Variants in ARMC8 observed in about 807,000 individuals in gnomAD.
ARMC8 encodes armadillo repeat-containing protein 8.
In ARMC8, 20 loss-of-function variants were observed where a neutral mutation model predicts 99.3. The ratio of observed to expected loss-of-function variants is 0.20; its 90% confidence interval spans 0.14 to 0.29. ARMC8 has a LOEUF of 0.29. Ranked by LOEUF, ARMC8 falls within the 10% of genes least tolerant of loss-of-function variation. ARMC8 has a pLI of 1.00. For synonymous variants in ARMC8, 263 were observed against 278.3 expected (o/e 0.95, Z 0.55); for missense variants, 569 against 809.5 (o/e 0.70, Z 3.60).
intron 1 of ARMC8, among the ~76,000 whole-genome samples, chr3:138,195,202 C>CG (rs2043647843): frequency 6.6e-6 from 1 of 150,598 alleles, no homozygotes; most frequent in Admixed American, 6.6e-5. Context: ...GGCGTGAACC[C>CG]GGGAAGTGGA....
At chr3:138,253,534 T>G (rs901880481) in intron 12 of ARMC8, among the ~76,000 whole-genome samples, 2 of 152,212 alleles carry the variant, frequency 1.3e-5, no homozygotes, top group Non-Finnish European at 2.9e-5. Flanking sequence ...GCAAGAAATT[T>G]TACTGAAGAG....
At chr3:138,216,879 A>G (rs1323232126) in intron 2 of ARMC8, among the ~76,000 whole-genome samples, 2 of 152,228 alleles carry the variant, frequency 1.3e-5, no homozygotes, top group African/African-American at 4.8e-5. Context: ...TTCAAAATAA[A>G]TAGATATATA....
chr3:138,270,089 G>A lies in ARMC8; in HGVS notation c.1436G>A (p.Ser479Asn), dbSNP rs2048650156. ...GAGCTACTTTGTGGATTAACTCAGA[G>A]TGAAAATCCTGCTTTACGAGTGAAT... Reference protein sequence around the residue: ...AVELLCGLTQSENPALRVNGI... With the variant: ...AVELLCGLTQNENPALRVNGI... The change falls in exon 16 of 22, where the codon AGT becomes AAT. Residue 479 changes from serine (S) to asparagine (N), a missense_variant. Transcript: ENST00000469044. 2 of 1,613,576 alleles carry A rather than the reference G, an allele frequency of 1.2e-6. No homozygotes were observed. The highest frequency in any genetic ancestry group is 1.7e-6 in the Non-Finnish European group (2 of 1,179,738).
intron 12 of ARMC8, among the ~76,000 whole-genome samples, chr3:138,257,832 C>T (rs1457733540): frequency 1.3e-5 from 2 of 152,082 alleles, no homozygotes; most frequent in Admixed American, 1.3e-4. Flanking sequence ...GTCCTTTTTC[C>T]TTGCCAGACC....
rs144504602 is a variant in ARMC8, at chr3:138,207,794, C to G, written c.46-2023C>G. Among the ~76,000 whole-genome samples the G allele has an allele frequency of 7.2e-5, 11 of 152,170 alleles. No individual in the cohort carries two copies. The East Asian group carries it at 2.1e-3, about 29-fold the overall frequency. On this transcript the variant is annotated intron_variant, in intron 1 of 21. Coordinates refer to ENST00000469044, the MANE Select transcript of ARMC8 (RefSeq NM_001363941.2). Reference sequence around the variant, plus strand: ...ATCATGAGAAGCCCCATTTGTAAACCGAGGGATTGAGCAGATTATTGTTGA... The same window carrying G: ...ATCATGAGAAGCCCCATTTGTAAACGGAGGGATTGAGCAGATTATTGTTGA...
intron 21 of ARMC8, 121 bp from the exon 22 acceptor site, chr3:138,295,738 C>A: frequency 8.9e-7 from 1 of 1,124,582 alleles, no homozygotes; most frequent in Non-Finnish European, 1.3e-6. Flanking sequence ...CCTGGGCTCA[C>A]CCCAATTCCC....
chr3:138,188,158 T>G (rs2107926288), intron 1 of ARMC8: 1 of 260,218 alleles, frequency 3.8e-6, no homozygotes. Context: ...GTGATTCGTA[T>G]CAGCTGCAAC....
chr3:138,205,966 C>A (rs1388385847), intron 1 of ARMC8, among the ~76,000 whole-genome samples: 2 of 152,162 alleles, frequency 1.3e-5, no homozygotes, highest in Non-Finnish European at 2.9e-5. Context: ...TTTCTAGCAG[C>A]CATGCTGTCT....
intron 12 of ARMC8, among the ~76,000 whole-genome samples, chr3:138,249,086 CACTT>C (rs1388971442): frequency 2.6e-5 from 4 of 152,218 alleles, no homozygotes; most frequent in African/African-American, 9.6e-5. Context: ...GCATAGTTGA[CACTT>C]AATAAATAAT....
intron 18 of ARMC8, among the ~76,000 whole-genome samples, chr3:138,277,638 AT>A (rs1203201776): frequency 5.3e-5 from 8 of 152,210 alleles, no homozygotes; most frequent in Non-Finnish European, 8.8e-5. Context: ...ATAGCTAAAA[AT>A]TTTTTTAAAA....
intron 1 of ARMC8, among the ~76,000 whole-genome samples, chr3:138,198,345 T>G (rs1413814557): frequency 6.6e-6 from 1 of 152,068 alleles, no homozygotes; most frequent in Non-Finnish European, 1.5e-5. Flanking sequence ...GCAGATAATC[T>G]TTAGTTCATT....
At chr3:138,196,503 A>C (rs2043745006) in intron 1 of ARMC8, among the ~76,000 whole-genome samples, 1 of 152,108 alleles carries the variant, frequency 6.6e-6, no homozygotes, top group African/African-American at 2.4e-5. Flanking sequence ...ATTTCTAGAG[A>C]TTGCTGGATT....
intron 1 of ARMC8, among the ~76,000 whole-genome samples, chr3:138,204,547 T>G (rs1297234738): frequency 6.6e-6 from 1 of 152,176 alleles, no homozygotes; most frequent in Non-Finnish European, 1.5e-5. Flanking sequence ...GTTCTTCTTT[T>G]CCCATTCTCT....
intron 14 of ARMC8, among the ~76,000 whole-genome samples, chr3:138,266,209 T>G (rs1239763599): frequency 6.6e-6 from 1 of 152,218 alleles, no homozygotes; most frequent in Non-Finnish European, 1.5e-5. Context: ...TTCTGAATAC[T>G]CCTCATTCTC....
At chr3:138,221,741 C>G (rs894136964) in intron 2 of ARMC8, among the ~76,000 whole-genome samples, 185 bp from the exon 3 acceptor site, 1 of 152,154 alleles carries the variant, frequency 6.6e-6, no homozygotes, top group Non-Finnish European at 1.5e-5. Context: ...TTCTACAATA[C>G]GCCGTTTTAC....
chr3:138,263,314 G>A (rs2047936059), intron 12 of ARMC8, among the ~76,000 whole-genome samples: 1 of 152,206 alleles, frequency 6.6e-6, no homozygotes, highest in Admixed American at 6.5e-5. Flanking sequence ...CCACAGGGTG[G>A]CTCTGTCCTA....
chr3:138,259,671 A>G (rs73227565), intron 12 of ARMC8, among the ~76,000 whole-genome samples: 12,925 of 152,190 alleles, frequency 0.085, 742 homozygotes, highest in Non-Finnish European at 0.12. Context: ...AGAAGGGTCA[A>G]CTTGTGCCTG....
At chr3:138,263,640 C>G in intron 12 of ARMC8, 99 bp from the exon 13 acceptor site, 1 of 1,095,416 alleles carries the variant, frequency 9.1e-7, no homozygotes, top group East Asian at 2.4e-5. Flanking sequence ...CCAAAAACAA[C>G]GTTAAACTTT....
intron 11 of ARMC8, among the ~76,000 whole-genome samples, chr3:138,244,396 G>A (rs2046783254): frequency 6.6e-6 from 1 of 152,062 alleles, no homozygotes; most frequent in Non-Finnish European, 1.5e-5. Flanking sequence ...TCCCGCCTCA[G>A]CCTCCCAAGT....
Sources: gnomAD v4.1 joint callset for allele counts (sites outside exome capture counted in the v4.1 genomes callset) on GRCh38, gnomAD v4.1.1 for gene constraint, MANE v1.5 for transcripts, NCBI Gene and HGNC (gene_info 2026-07-23, HGNC 2026-07-21) for gene names.